The following MOB3B variants were observed in gnomAD, a reference collection of about 807,000 sequenced individuals.
MOB3B encodes the protein MOB kinase activator 3B, also known as MOB kinase activator-like 2B.
MOB3B carries 7 observed loss-of-function variants against 18.7 expected under a neutral mutation model. That is an observed-to-expected ratio of 0.37 (90% CI 0.21 to 0.70). MOB3B has a LOEUF of 0.70. Among genes scored for constraint, MOB3B ranks in the 30% least tolerant of loss-of-function variants. The pLI is 0.52. For synonymous variants in MOB3B, 111 were observed against 99.9 expected (o/e 1.11, Z -0.66); for missense variants, 253 against 281.3 (o/e 0.90, Z 0.72).
At chr9:27,516,623 G>GA (rs754757662) in intron 1 of MOB3B, among the ~76,000 whole-genome samples, 355 of 152,028 alleles carry the variant, frequency 2.3e-3, no homozygotes, top group African/African-American at 8.2e-3. Flanking sequence ...CAAACAAAAC[G>GA]AAAAAAACAG....
In MOB3B at chr9:27,329,655, T is replaced by G. The variant is rs1820759926; in HGVS notation, c.*932A>C. The G allele has an allele frequency of 6.6e-6, 1 of 152,636 alleles. No individual in the cohort carries two copies. Among genetic ancestry groups the G allele is most frequent in the South Asian group, 2.1e-4 (1 of 4,826 alleles). The allele number at this position is 152,636 out of a possible 1,614,324, so 9.5% of individuals were successfully genotyped here. On this transcript the variant is annotated 3_prime_UTR_variant, in exon 4 of 4. Coordinates refer to ENST00000262244, the MANE Select transcript of MOB3B (RefSeq NM_024761.5). ...TTTTTTCACTGAAATGTTAGTATTA[T>G]GTAGAGACAGCCACGACTCCCTGTC...
chr9:27,404,403 T>C (rs1463152388), intron 2 of MOB3B, among the ~76,000 whole-genome samples: 2 of 137,578 alleles, frequency 1.5e-5, no homozygotes, highest in African/African-American at 5.5e-5. Flanking sequence ...GTCACCAGGC[T>C]GGAGTGCAAT....
chr9:27,464,715 G>C (rs1819349465), intron 1 of MOB3B, among the ~76,000 whole-genome samples: 2 of 152,160 alleles, frequency 1.3e-5, no homozygotes, highest in South Asian at 4.1e-4. Context: ...TGGACTTACA[G>C]TTCCACATGG....
At chr9:27,410,260 T>C (rs7021457) in intron 2 of MOB3B, among the ~76,000 whole-genome samples, 45,058 of 151,964 alleles carry the variant, frequency 0.3, 7,986 homozygotes, top group East Asian at 0.79. Context: ...TTTAGGGAAA[T>C]AAAGATGCCA....
At chr9:27,366,715 G>C (rs1027781675) in intron 2 of MOB3B, among the ~76,000 whole-genome samples, 2 of 152,170 alleles carry the variant, frequency 1.3e-5, no homozygotes, top group African/African-American at 4.8e-5. Flanking sequence ...TCTGTGATCG[G>C]TGCTGGGCTG....
intron 2 of MOB3B, among the ~76,000 whole-genome samples, chr9:27,392,715 G>A (rs1821743544): frequency 1.3e-5 from 2 of 152,336 alleles, no homozygotes; most frequent in South Asian, 4.1e-4. Context: ...GGAGAGACCA[G>A]TGTTTTGGAA....
chr9:27,333,601 G>A (rs1397139702), intron 3 of MOB3B, among the ~76,000 whole-genome samples: 2 of 152,196 alleles, frequency 1.3e-5, no homozygotes, highest in Non-Finnish European at 2.9e-5. Flanking sequence ...TTCCGCTGAG[G>A]TGATGAGAAG....
chr9:27,360,896 G>C (rs1264127708), intron 2 of MOB3B, among the ~76,000 whole-genome samples: 1 of 152,142 alleles, frequency 6.6e-6, no homozygotes, highest in East Asian at 1.9e-4. Context: ...GCTGGGATTT[G>C]GGGTTGAGGG....
chr9:27,474,911 C>T (rs951442552), intron 1 of MOB3B, among the ~76,000 whole-genome samples: 1 of 152,224 alleles, frequency 6.6e-6, no homozygotes, highest in Non-Finnish European at 1.5e-5. Flanking sequence ...TAAGGTGGCT[C>T]CTAGTGATCT....
chr9:27,393,684 G>A (rs1821760947), intron 2 of MOB3B, among the ~76,000 whole-genome samples: 1 of 152,160 alleles, frequency 6.6e-6, no homozygotes, highest in African/African-American at 2.4e-5. Context: ...GCTAAGCAGT[G>A]TACAGACTTG....
At chr9:27,449,809 C>G (rs1342670786) in intron 2 of MOB3B, among the ~76,000 whole-genome samples, 1 of 151,922 alleles carries the variant, frequency 6.6e-6, no homozygotes. Flanking sequence ...AACCCCAACT[C>G]TACTAAAAAA....
intron 2 of MOB3B, among the ~76,000 whole-genome samples, chr9:27,395,620 T>A (rs917131236): frequency 6.6e-5 from 10 of 152,226 alleles, no homozygotes; most frequent in Non-Finnish European, 1.0e-4. Flanking sequence ...CCTTAAATAC[T>A]GCAACGCTCA....
chr9:27,509,851 A>T (rs1820116511), intron 1 of MOB3B, among the ~76,000 whole-genome samples: 1 of 152,136 alleles, frequency 6.6e-6, no homozygotes, highest in African/African-American at 2.4e-5. Flanking sequence ...CAGGCCCCTG[A>T]GTAGCTGGGA....
intron 2 of MOB3B, among the ~76,000 whole-genome samples, chr9:27,374,374 T>G (rs1223872430): frequency 6.6e-6 from 1 of 152,162 alleles, no homozygotes; most frequent in Non-Finnish European, 1.5e-5. Flanking sequence ...ACCAAGGCAA[T>G]TCCTTTAAAA....
At position 27,359,039 on chromosome 9, in the gene MOB3B, G is replaced by A; in HGVS notation, c.616C>T (p.Pro206Ser). The A allele has an allele frequency of 1.2e-6, 2 of 1,614,116 alleles. No individual in the cohort carries two copies. The highest frequency in any genetic ancestry group is 2.2e-5 in the East Asian group (1 of 44,882). ...MNLIDRKELE[P>S]LKEMTSRMCH ...TATTTCATGGTGTCACTTACCAAAGGCTCTAGCTCCTTGCGGTCTATGAGG... is the reference window on the plus strand; with the variant it reads ...TATTTCATGGTGTCACTTACCAAAGACTCTAGCTCCTTGCGGTCTATGAGG... The change falls in exon 3 of 4, where the codon CCT becomes TCT. Residue 206 changes from proline (P) to serine (S), a missense_variant. By Grantham distance (74) the Pro-to-Ser change is moderately conservative. Coordinates refer to ENST00000262244, the MANE Select transcript of MOB3B (RefSeq NM_024761.5).
At chr9:27,366,039 G>A (rs1821338365) in intron 2 of MOB3B, among the ~76,000 whole-genome samples, 2 of 152,192 alleles carry the variant, frequency 1.3e-5, no homozygotes, top group South Asian at 4.1e-4. Flanking sequence ...AGGCTAAGGA[G>A]GAGGCAGGCC....
At chr9:27,478,726 G>A (rs1819599266) in intron 1 of MOB3B, among the ~76,000 whole-genome samples, 1 of 151,560 alleles carries the variant, frequency 6.6e-6, no homozygotes, top group Admixed American at 6.6e-5. Flanking sequence ...ATACTGAAAT[G>A]ATAAAAGCTG....
intron 2 of MOB3B, among the ~76,000 whole-genome samples, chr9:27,451,891 G>C (rs984166786): frequency 6.6e-6 from 1 of 152,226 alleles, no homozygotes; most frequent in Non-Finnish European, 1.5e-5. Context: ...AACAGAGAAA[G>C]TAGCTCCTAA....
chr9:27,433,163 GAT>G (rs1320907898), intron 2 of MOB3B, among the ~76,000 whole-genome samples: 3 of 151,896 alleles, frequency 2.0e-5, no homozygotes, highest in African/African-American at 4.8e-5. Flanking sequence ...CTCAAAAAGA[GAT>G]ATTAAATTCA....
Sources: allele counts gnomAD v4.1 joint callset (sites outside exome capture counted in the v4.1 genomes callset), GRCh38; gene constraint gnomAD v4.1.1; transcripts MANE v1.5; gene names NCBI Gene and HGNC (gene_info 2026-07-23, HGNC 2026-07-21).